DENND1A: variants seen among roughly 807,000 people sequenced by gnomAD.
DENND1A encodes DENN domain containing 1A, also known as DENN domain-containing protein 1A.
In DENND1A, 51 loss-of-function variants were observed where a neutral mutation model predicts 113.7. That is an observed-to-expected ratio of 0.45 (90% CI 0.36 to 0.57). DENND1A has a LOEUF of 0.57. DENND1A is among the 20% of genes least tolerant of loss of function. The pLI, the probability that DENND1A is intolerant of heterozygous loss-of-function variation, is 0.00. For synonymous variants in DENND1A, 565 were observed against 570.8 expected (o/e 0.99, Z 0.14); for missense variants, 1,258 against 1,395.9 (o/e 0.90, Z 1.57).
Position 123,589,647 on chromosome 9 carries a change from GAAA to G in DENND1A, c.766-6380_766-6378del, listed in dbSNP as rs58211177. 1.2e-3 allele frequency among the ~76,000 whole-genome samples: 41 copies of G among 35,426 alleles called. 1 individual carries two copies. Among genetic ancestry groups the G allele is most frequent in the African/African-American group, 2.8e-3 (31 of 11,096 alleles). 23.2% of individuals were successfully genotyped at this position (35,426 alleles called of 152,430 possible). ...GACTCTATAGGCTTTTTCTCAGAATGAAAAAAAAAAAAAAAAAAAAAAAAAACT... is the reference window on the plus strand; with the variant it reads ...GACTCTATAGGCTTTTTCTCAGAATGAAAAAAAAAAAAAAAAAAAAAAACT... On this transcript the variant is annotated intron_variant, in intron 11 of 23. Transcript: ENST00000394215.
chr9:123,420,197 G>A (rs1247073162), intron 19 of DENND1A, among the ~76,000 whole-genome samples: 2 of 152,182 alleles, frequency 1.3e-5, no homozygotes, highest in Non-Finnish European at 2.9e-5. Context: ...AGGCTGGGAG[G>A]GGCCAGGTAT....
At chr9:123,407,182 C>G in intron 20 of DENND1A, among the ~76,000 whole-genome samples, 1 of 150,842 alleles carries the variant, frequency 6.6e-6, no homozygotes, top group East Asian at 1.9e-4. Flanking sequence ...GGGTGGGGAG[C>G]ACGGAGCTGG....
At chr9:123,580,595 C>A (rs754485033) in intron 12 of DENND1A, among the ~76,000 whole-genome samples, 10 of 152,250 alleles carry the variant, frequency 6.6e-5, no homozygotes, top group African/African-American at 1.9e-4. Flanking sequence ...CTGCACCTAA[C>A]AGACCTCAGG....
chr9:123,381,687 G>T lies in DENND1A; in HGVS notation c.2958C>A (p.Pro986=). 5 of 1,579,734 alleles carry T rather than the reference G, an allele frequency of 3.2e-6. No homozygotes were observed. Among genetic ancestry groups the T allele is most frequent in the Non-Finnish European group, 4.3e-6 (5 of 1,162,786 alleles). Residue 986 remains proline, a synonymous_variant, in exon 24 of 24, where the codon CCC becomes CCA. Transcript: ENST00000394215. The surrounding 1 kb of genome is among the most constrained non-coding windows in gnomAD (Gnocchi z 4.7). ...CAGCCCTGGCACTTGAGCGGGCCAG[G>T]GGCAACGTTCGGATCCTCGACGGGG... The part of the protein sequence containing the change: ...AVAPSRIRTL[P]LARSSARAAE...
chr9:123,495,145 C>CTCTCTCTCTCTCTCTCTCTCTCTCTT (rs2051779079), intron 13 of DENND1A, among the ~76,000 whole-genome samples: 1 of 31,768 alleles, frequency 3.1e-5, no homozygotes, highest in Admixed American at 5.5e-4. Flanking sequence ...GTCTCTTTCT[C>CTCTCTCTCTCTCTCTCTCTCTCTCTT]TCTCTCTCTC....
intron 1 of DENND1A, among the ~76,000 whole-genome samples, chr9:123,905,262 G>A (rs1212650878): frequency 1.3e-5 from 2 of 151,978 alleles, no homozygotes; most frequent in African/African-American, 4.8e-5. Context: ...ATGCCAAAAT[G>A]TAAAGACCAT....
chr9:123,579,223 A>C (rs530712810), intron 12 of DENND1A, among the ~76,000 whole-genome samples: 6 of 152,316 alleles, frequency 3.9e-5, no homozygotes, highest in African/African-American at 1.4e-4. Context: ...TTTAATTCTC[A>C]AACAACCTTA....
intron 13 of DENND1A, among the ~76,000 whole-genome samples, chr9:123,553,407 C>A (rs765510304): frequency 4.0e-5 from 6 of 150,962 alleles, no homozygotes; most frequent in Non-Finnish European, 5.9e-5. Flanking sequence ...GCCGCCCCCC[C>A]CCCGCTCCTC....
intron 13 of DENND1A, among the ~76,000 whole-genome samples, chr9:123,472,422 G>C (rs2133401806): frequency 6.6e-6 from 1 of 152,292 alleles, no homozygotes; most frequent in South Asian, 2.1e-4. Context: ...GGGTGAGCAA[G>C]GGAGTTGCTG....
chr9:123,657,358 C>T (rs1449335151), intron 8 of DENND1A, among the ~76,000 whole-genome samples: 1 of 134,142 alleles, frequency 7.5e-6, no homozygotes, highest in South Asian at 2.6e-4. Flanking sequence ...TTGAGGCTCA[C>T]TGTGATCCAT....
intron 13 of DENND1A, among the ~76,000 whole-genome samples, chr9:123,505,927 G>C (rs1398927851): frequency 6.6e-6 from 1 of 152,048 alleles, no homozygotes; most frequent in Non-Finnish European, 1.5e-5. Context: ...GTGATCAAGA[G>C]GAGCAGGCTA....
rs1416917719 is a variant in DENND1A at position 123,617,077 on chromosome 9, G to A, written c.720-7596C>T. 5.3e-5 allele frequency among the ~76,000 whole-genome samples: 8 copies of A among 152,322 alleles called. No individual in the cohort carries two copies. In the East Asian group the frequency reaches 7.7e-4, roughly 15 times the overall value. On this transcript the variant is annotated intron_variant, in intron 10 of 23. Coordinates refer to ENST00000394215, the MANE Select transcript of DENND1A (RefSeq NM_001352964.2). ...ATGGCTCAAAGAGGTTAAGTGACTC[G>A]ACAAAGGTCACAGCTGGTGAGAAGT...
intron 1 of DENND1A, among the ~76,000 whole-genome samples, chr9:123,881,231 C>CT (rs1848271940): frequency 6.6e-6 from 1 of 152,094 alleles, no homozygotes; most frequent in African/African-American, 2.4e-5. Context: ...TTGTTGTGCT[C>CT]TTTTTTCCCT....
At chr9:123,883,370 T>A (rs1161244691) in intron 1 of DENND1A, among the ~76,000 whole-genome samples, 1 of 152,194 alleles carries the variant, frequency 6.6e-6, no homozygotes, top group Non-Finnish European at 1.5e-5. Context: ...AGAGTTGCCT[T>A]CCTGAGGTCT....
At chr9:123,413,016 C>T (rs12115479) in intron 19 of DENND1A, among the ~76,000 whole-genome samples, 22,326 of 152,172 alleles carry the variant, frequency 0.15, 1,683 homozygotes, top group Middle Eastern at 0.2. Context: ...AAACCCCCAT[C>T]TATACAAAAA....
intron 5 of DENND1A, among the ~76,000 whole-genome samples, chr9:123,720,853 AAT>A (rs2067287554): frequency 6.6e-6 from 1 of 152,252 alleles, no homozygotes; most frequent in Non-Finnish European, 1.5e-5. Flanking sequence ...GGCAAAATGG[AAT>A]TAGAAGAGTA....
intron 13 of DENND1A, among the ~76,000 whole-genome samples, chr9:123,556,969 C>T (rs2057453084): frequency 6.6e-6 from 1 of 152,224 alleles, no homozygotes; most frequent in Non-Finnish European, 1.5e-5. Flanking sequence ...GTCAACGAGG[C>T]CCAGAAAGGG....
At chr9:123,719,029 T>C (rs2067160852) in intron 5 of DENND1A, among the ~76,000 whole-genome samples, 1 of 152,218 alleles carries the variant, frequency 6.6e-6, no homozygotes, top group African/African-American at 2.4e-5. Flanking sequence ...CCCCTTTTGC[T>C]TGGTTCTCAT....
chr9:123,495,998 G>A (rs1473799254), intron 13 of DENND1A, among the ~76,000 whole-genome samples: 1 of 152,228 alleles, frequency 6.6e-6, no homozygotes, highest in Non-Finnish European at 1.5e-5. Context: ...TAAGCAGAGA[G>A]GCTGGGGACA....
Sources: allele counts gnomAD v4.1 joint callset (sites outside exome capture counted in the v4.1 genomes callset), GRCh38; gene constraint gnomAD v4.1.1; non-coding constraint Gnocchi (gnomAD v3.1); transcripts MANE v1.5; gene names NCBI Gene and HGNC (gene_info 2026-07-23, HGNC 2026-07-21).